PKD1: variants seen among roughly 807,000 people sequenced by gnomAD.
The protein encoded by PKD1 is polycystin 1, transient receptor potential channel interacting.
Under a neutral mutation model 361.7 loss-of-function variants are expected in PKD1, and 81 were observed. That is an observed-to-expected ratio of 0.22 (90% CI 0.19 to 0.27). The LOEUF is 0.27. Ranked by LOEUF, PKD1 falls within the 10% of genes least tolerant of loss-of-function variation. The probability of loss-of-function intolerance (pLI) is 1.00; values close to 1 mark genes in which losing one functional copy is unlikely to be tolerated. For missense variants in PKD1, 6,399 were observed against 6,118.3 expected (o/e 1.05, Z -1.53); for synonymous variants, 3,615 against 2,818.3 (o/e 1.28, Z -8.95).
intron 11 of PKD1, chr16:2,113,878 C>A: frequency 1.9e-6 from 1 of 514,314 alleles, no homozygotes; most frequent in Non-Finnish European, 3.5e-6. Flanking sequence ...CAGCAGAGGG[C>A]GTGAGAGACT....
Position 2,103,495 on chromosome 16 carries a change from C to T in PKD1, c.8562G>A (p.Gln2854=). 6.2e-7 allele frequency: 1 copy of T among 1,603,720 alleles called. No homozygotes were observed. Among genetic ancestry groups the T allele is most frequent in the South Asian group, 1.1e-5 (1 of 90,992 alleles). Residue 2854 remains glutamine, a synonymous_variant, in exon 23 of 46, where the codon CAG becomes CAA. Coordinates refer to ENST00000262304, the MANE Select transcript of PKD1 (RefSeq NM_001009944.3). ...VSTKVASMAF[Q]TQAGAQIPIE... ...TGGGGATCTGGGCGCCGGCCTGTGT[C>T]TGGAATGCCATCGAGGCCACCTTGG... is the stretch of plus-strand genomic sequence containing the variant.
rs765591608 is a variant in PKD1, at chr16:2,103,247, C to T, written c.8791+19G>A. Reference sequence around the variant, plus strand: ...GAACAAGGCCAGGGGGCCGCGTGTGCCCCACCCGCTGCACGCACCGTCCAG... The same window carrying T: ...GAACAAGGCCAGGGGGCCGCGTGTGTCCCACCCGCTGCACGCACCGTCCAG... On this transcript the variant is annotated intron_variant, in intron 23 of 45. Coordinates refer to ENST00000262304, the MANE Select transcript of PKD1 (RefSeq NM_001009944.3). The T allele has an allele frequency of 4.4e-6, 7 of 1,608,378 alleles. No individual in the cohort carries two copies. The highest frequency in any genetic ancestry group is 2.2e-5 in the East Asian group (1 of 44,860).
chr16:2,091,660 G>A, intron 41 of PKD1, 63 bp from the exon 42 acceptor site: 3 of 1,558,952 alleles, frequency 1.9e-6, no homozygotes, highest in Non-Finnish European at 2.6e-6. Flanking sequence ...GGACCGCGCA[G>A]TGCAGGCGTG....
rs138629093 is a variant in PKD1, at chr16:2,092,068, T to A, written c.11390A>T (p.Tyr3797Phe). The A allele has an allele frequency of 6.2e-7, 1 of 1,612,742 alleles. No homozygotes were observed. Among genetic ancestry groups the A allele is most frequent in the Non-Finnish European group, 8.5e-7 (1 of 1,179,976 alleles). The change falls in exon 40 of 46, where the codon TAT becomes TTT. Residue 3797 changes from tyrosine (Y) to phenylalanine (F), a missense_variant. Physicochemically the swap from Tyr to Phe is conservative, Grantham distance 22. Coordinates refer to ENST00000262304, the MANE Select transcript of PKD1 (RefSeq NM_001009944.3). ...TCACCCCAGCAGATCCGGCGCTGAA[T>A]AGGCCCACGTCCCCGAGCCATTGTG... is the stretch of plus-strand genomic sequence containing the variant. ...SPHNGSGTWAYSAPDLLGAWS... is the reference protein window; with the variant it reads ...SPHNGSGTWAFSAPDLLGAWS...
chr16:2,091,615 G>T lies in PKD1; in HGVS notation c.11538-18C>A. On this transcript the variant is annotated intron_variant, in intron 41 of 45. Transcript: ENST00000262304. Reference sequence around the variant, plus strand: ...CGCGGCTCCTGCGCAGAGGGTGCGGGTCAGTAGGAGCGGGTGGCAGGGCGG... The same window carrying T: ...CGCGGCTCCTGCGCAGAGGGTGCGGTTCAGTAGGAGCGGGTGGCAGGGCGG... 1 of 1,562,564 alleles carries T rather than the reference G, an allele frequency of 6.4e-7. No individual in the cohort carries two copies. The highest frequency in any genetic ancestry group is 8.6e-7 in the Non-Finnish European group (1 of 1,162,268).
At position 2,111,409 on chromosome 16, in the gene PKD1, A is replaced by G; in HGVS notation, c.3758T>C (p.Leu1253Pro). 1 of 1,611,776 alleles carries G rather than the reference A, an allele frequency of 6.2e-7. No homozygotes were observed. The highest frequency in any genetic ancestry group is 8.5e-7 in the Non-Finnish European group (1 of 1,179,564). The stretch of plus-strand genomic sequence containing the variant: ...CTCCACTGTTGCCTCCGGGCCCGAC[A>G]GCACGGTGCCGTCCCCCATGTCGAA... The part of the protein sequence containing the change: ...WTFDMGDGTV[L>P]SGPEATVEHV... The change falls in exon 15 of 46, where the codon CTG becomes CCG. Residue 1253 changes from leucine to proline, a missense_variant. Coordinates refer to ENST00000262304, the MANE Select transcript of PKD1 (RefSeq NM_001009944.3).
At chr16:2,130,149 C>T (rs1344239262) in intron 1 of PKD1, among the ~76,000 whole-genome samples, 1 of 152,386 alleles carries the variant, frequency 6.6e-6, no homozygotes, top group East Asian at 1.9e-4. Flanking sequence ...CCGTTTCTCA[C>T]GCAGGCACGT....
chr16:2,100,393 A>C lies in PKD1; in HGVS notation c.9568+3T>G, dbSNP rs766423188. The stretch of plus-strand genomic sequence containing the variant: ...GGCAGAGCTTGGCAGGGTCCGCACA[A>C]ACCTTTGTTGTCGTGCCACACTCGG... On this transcript the variant is annotated splice_donor_region_variant and intron_variant, in intron 27 of 45. Coordinates refer to ENST00000262304, the MANE Select transcript of PKD1 (RefSeq NM_001009944.3). The surrounding 1 kb of genome is among the most constrained non-coding windows in gnomAD (Gnocchi z 4.4). The C allele has an allele frequency of 8.7e-6, 14 of 1,611,094 alleles. No homozygotes were observed. Among genetic ancestry groups the C allele is most frequent in the Non-Finnish European group, 1.1e-5 (13 of 1,179,750 alleles).
At chr16:2,116,772 G>A (rs1310202380) in intron 7 of PKD1, 61 bp downstream of exon 7, 13 of 1,136,028 alleles carry the variant, frequency 1.1e-5, no homozygotes, top group African/African-American at 3.1e-5. Context: ...TCCACCGCGG[G>A]CGCTCGGCAG....
At position 2,110,972 on chromosome 16, in the gene PKD1, A is replaced by G. The variant is rs116092985; in HGVS notation, c.4195T>C (p.Trp1399Arg). Residue 1399 changes from tryptophan (W) to arginine (R), a missense_variant, in exon 15 of 46, where the codon TGG becomes CGG. Trp to Arg is a moderately radical substitution (Grantham distance 101, BLOSUM62 -3). Transcript: ENST00000262304. ...GGGGGCCAGGCACATGCCACCAGCC[A>G]GGCCTCGTCCCCGAGCTGCACAAAC... is the stretch of plus-strand genomic sequence containing the variant. ...RQFVQLGDEA[W>R]LVACAWPPFP... 134,599 of 1,597,052 alleles carry G rather than the reference A, an allele frequency of 0.084. 6,826 individuals are homozygous for G. The highest frequency in any genetic ancestry group is 0.15 in the Middle Eastern group (665 of 4,468).
rs1280356863 is a variant in PKD1, at chr16:2,091,404, T to C, written c.11712+19A>G. On this transcript the variant is annotated intron_variant, in intron 42 of 45. Coordinates refer to ENST00000262304, the MANE Select transcript of PKD1 (RefSeq NM_001009944.3). ...CGCTGCCGGTGGGAGGCGCGGGGTC[T>C]GGCCGGGGACGGGCGTACCGAGGTG... 2.3e-5 allele frequency: 26 copies of C among 1,113,110 alleles called. No individual in the cohort carries two copies. The South Asian group carries it at 6.6e-4, about 28-fold the overall frequency. 69.0% of individuals were successfully genotyped at this position (1,113,110 alleles called of 1,614,324 possible).
chr16:2,134,006 T>C (rs1364392506), intron 1 of PKD1, among the ~76,000 whole-genome samples: 10 of 147,204 alleles, frequency 6.8e-5, no homozygotes, highest in African/African-American at 2.4e-4. Flanking sequence ...CATCAGGTGC[T>C]GGGAAGCAGG....
Position 2,093,699 on chromosome 16 carries a change from G to T in PKD1, c.10861C>A (p.Arg3621=), listed in dbSNP as rs781000825. The T allele has an allele frequency of 1.3e-6, 2 of 1,598,644 alleles. No individual in the cohort carries two copies. Among genetic ancestry groups the T allele is most frequent in the Non-Finnish European group, 1.7e-6 (2 of 1,172,460 alleles). The part of the protein sequence containing the change: ...EALYFSLVAK[R]LHPDEDDTLV... ...GTGTCATCTTCATCCGGGTGCAGCCGCTTGGCCACCAGTGAGAAGTACAGG... is the reference window on the plus strand; with the variant it reads ...GTGTCATCTTCATCCGGGTGCAGCCTCTTGGCCACCAGTGAGAAGTACAGG... Residue 3621 remains arginine, a synonymous_variant, in exon 37 of 46, where the codon CGG becomes AGG. Coordinates refer to ENST00000262304, the MANE Select transcript of PKD1 (RefSeq NM_001009944.3).
At position 2,089,586 on chromosome 16, in the gene PKD1, A is replaced by G. The variant is rs2091359172; in HGVS notation, c.*141T>C. ...GCCTCTTTAAAGTGCTGAAGCCCAC[A>G]GACAGACAGATGCCCCTGCCTGCTC... On this transcript the variant is annotated 3_prime_UTR_variant, in exon 46 of 46. Transcript: ENST00000262304. 6.5e-6 allele frequency: 7 copies of G among 1,075,834 alleles called. No individual in the cohort carries two copies. The highest frequency in any genetic ancestry group is 9.4e-6 in the Non-Finnish European group (7 of 741,910). The allele number at this position is 1,075,834 out of a possible 1,614,324, so 66.6% of individuals were successfully genotyped here. A position where few individuals can be genotyped will look rare whatever the true frequency, so the allele number is the denominator to read the frequency against.
Position 2,102,618 on chromosome 16 carries a change from C to T in PKD1, c.8964G>A (p.Ala2988=), listed in dbSNP as rs76184385. 12,507 of 1,611,016 alleles carry T rather than the reference C, an allele frequency of 7.8e-3. 73 individuals carry two copies. Among genetic ancestry groups the T allele is most frequent in the East Asian group, 0.014 (622 of 44,882 alleles). ...FFISPGSRDP[A]GSYHLNLSSH... is the part of the protein sequence containing the mutation. Reference sequence around the variant, plus strand: ...TGGAGAGGTTCAGATGGTAACTCCCCGCTGGGTCTCTGCTCCTGGGCAGGG... The same window carrying T: ...TGGAGAGGTTCAGATGGTAACTCCCTGCTGGGTCTCTGCTCCTGGGCAGGG... Residue 2988 remains alanine (A), a synonymous_variant, in exon 25 of 46, where the codon GCG becomes GCA. Transcript: ENST00000262304.
At chr16:2,115,957 G>T (rs545877094) in intron 9 of PKD1, 35 bp downstream of exon 9, 4 of 1,506,832 alleles carry the variant, frequency 2.7e-6, no homozygotes, top group Non-Finnish European at 3.6e-6. Context: ...GTCCTGCGGC[G>T]CCCACCACCC....
intron 34 of PKD1, chr16:2,095,491 G>C (rs545931622): frequency 6.6e-6 from 1 of 152,380 alleles, no homozygotes; most frequent in Non-Finnish European, 1.5e-5. Flanking sequence ...CTGACTCAGG[G>C]AGCAGGCTCT....
In PKD1 at chr16:2,106,746, C is replaced by T. The variant is rs1408042125; in HGVS notation, c.7209+59G>A. 23 of 1,505,886 alleles carry T rather than the reference C, an allele frequency of 1.5e-5. No individual in the cohort carries two copies. Among genetic ancestry groups the T allele is most frequent in the Non-Finnish European group, 2.0e-5 (22 of 1,105,464 alleles). 93.3% of individuals were successfully genotyped at this position (1,505,886 alleles called of 1,614,324 possible). Reference sequence around the variant, plus strand: ...GTCAGCCCCACTTCTGCCTGCAGGCCCCGTCCCCTCGGCCATGGGACCCAT... The same window carrying T: ...GTCAGCCCCACTTCTGCCTGCAGGCTCCGTCCCCTCGGCCATGGGACCCAT... On this transcript the variant is annotated intron_variant, in intron 17 of 45. Transcript: ENST00000262304. The surrounding 1 kb of genome is among the most constrained non-coding windows in gnomAD (Gnocchi z 6.5).
intron 1 of PKD1, among the ~76,000 whole-genome samples, chr16:2,126,408 C>T (rs986363062): frequency 3.9e-5 from 6 of 152,254 alleles, no homozygotes; most frequent in Non-Finnish European, 5.9e-5. Context: ...GGCTGGGCCT[C>T]GGGAGCTGCA....
Sources: gnomAD v4.1 joint callset for allele counts (sites outside exome capture counted in the v4.1 genomes callset) on GRCh38, gnomAD v4.1.1 for gene constraint, Gnocchi (gnomAD v3.1) non-coding constraint, MANE v1.5 for transcripts, NCBI Gene and HGNC (gene_info 2026-07-23, HGNC 2026-07-21) for gene names.